Variants in FCRL5 observed in about 807,000 individuals in gnomAD.
The protein encoded by FCRL5 is Fc receptor-like protein 5.
In FCRL5, 79 loss-of-function variants were observed where a neutral mutation model predicts 92.1. The ratio of observed to expected loss-of-function variants is 0.86; its 90% CI spans 0.72 to 1.03. The LOEUF is 1.03. Among genes scored for constraint, FCRL5 ranks in the 50% least tolerant of loss-of-function variants. The pLI is 0.00. For missense variants in FCRL5, 1,160 were observed against 1,181.1 expected (o/e 0.98, Z 0.26); for synonymous variants, 466 against 469.3 (o/e 0.99, Z 0.09).
At chr1:157,544,626 C>A in intron 4 of FCRL5, 80 bp from the exon 5 acceptor site, 8 of 1,524,362 alleles carry the variant, frequency 5.2e-6, no homozygotes, top group Non-Finnish European at 7.2e-6. Context: ...AGCAGCAGCA[C>A]ATCCAAAAGC....
rs60191062 is a variant in FCRL5, at chr1:157,535,943, G to GTTTTTTTTTTTTTTT, written c.1403-1066_1403-1052dup. On this transcript the variant is annotated intron_variant, in intron 7 of 16. Coordinates refer to ENST00000361835, the MANE Select transcript of FCRL5 (RefSeq NM_031281.3). ...GGCTAAATTCACTGGATGTGACTCA[G>GTTTTTTTTTTTTTTT]TTTTTTTTTTTTTTTTGAGATGGAG... Among the ~76,000 whole-genome samples, 281 of 90,004 alleles carry GTTTTTTTTTTTTTTT rather than the reference G, an allele frequency of 3.1e-3. 36 individuals carry two copies. The highest frequency in any genetic ancestry group is 3.8e-3 in the Non-Finnish European group (178 of 46,914). 59.0% of individuals were successfully genotyped at this position (90,004 alleles called of 152,430 possible).
intron 13 of FCRL5, 41 bp from the exon 14 acceptor site, chr1:157,518,823 A>G (rs371199320): frequency 2.0e-6 from 3 of 1,535,500 alleles, no homozygotes; most frequent in African/African-American, 2.7e-5. Context: ...AGGAATCCAG[A>G]CAAAGTAGCT....
chr1:157,540,847 T>G (rs1428431924), intron 6 of FCRL5, among the ~76,000 whole-genome samples: 1 of 152,238 alleles, frequency 6.6e-6, no homozygotes, highest in Admixed American at 6.5e-5. Context: ...ATTTGTTGGA[T>G]GTAATTTGTA....
At chr1:157,543,620 T>C (rs1260583037) in intron 5 of FCRL5, among the ~76,000 whole-genome samples, 1 of 152,142 alleles carries the variant, frequency 6.6e-6, no homozygotes, top group African/African-American at 2.4e-5. Context: ...TCACATTGCC[T>C]CCTTATAAGT....
chr1:157,530,222 T>C (rs1650635470), intron 8 of FCRL5, among the ~76,000 whole-genome samples: 4 of 152,182 alleles, frequency 2.6e-5, no homozygotes, highest in Admixed American at 6.5e-5. Flanking sequence ...CTTAGCTATA[T>C]ATTATGGGCA....
At chr1:157,533,601 G>A (rs1443527481) in intron 8 of FCRL5, 1 of 152,150 alleles carries the variant, frequency 6.6e-6, no homozygotes, top group South Asian at 2.1e-4. Context: ...GTAGGCACAG[G>A]GATGTTGTGA....
intron 13 of FCRL5, 85 bp downstream of exon 13, chr1:157,519,658 G>T: frequency 6.9e-7 from 1 of 1,448,414 alleles, no homozygotes; most frequent in Non-Finnish European, 9.7e-7. Flanking sequence ...CAGAAACTGT[G>T]CTCTTGGTAA....
Position 157,552,478 on chromosome 1 carries a change from G to A in FCRL5, c.-116C>T. 1 of 1,044,580 alleles carries A rather than the reference G, an allele frequency of 9.6e-7. No individual in the cohort carries two copies. Among genetic ancestry groups the A allele is most frequent in the Middle Eastern group, 2.0e-4 (1 of 4,944 alleles). 64.7% of individuals were successfully genotyped at this position (1,044,580 alleles called of 1,614,324 possible). ...CACACCAGCTCCAAGGAGCACATCT[G>A]AGAAGCTGTGCTCTCAAAAAGAGCA... is the stretch of plus-strand genomic sequence containing the variant. On this transcript the variant is annotated 5_prime_UTR_variant, in exon 1 of 17. The change creates a premature stop within an existing upstream ORF in the 5' untranslated region. Transcript: ENST00000361835.
intron 13 of FCRL5, 113 bp from the exon 14 acceptor site, chr1:157,518,895 G>T: frequency 1.4e-6 from 1 of 723,558 alleles, no homozygotes; most frequent in Non-Finnish European, 2.3e-6. Flanking sequence ...CTGGAAACAT[G>T]AACAAGTACA....
chr1:157,543,573 G>T (rs1408686433), intron 5 of FCRL5, among the ~76,000 whole-genome samples: 1 of 152,116 alleles, frequency 6.6e-6, no homozygotes, highest in East Asian at 1.9e-4. Flanking sequence ...GCCAGCCAGG[G>T]CCAGAGTTGG....
chr1:157,532,938 G>A (rs1251956723), intron 8 of FCRL5: 2 of 152,074 alleles, frequency 1.3e-5, no homozygotes, highest in Non-Finnish European at 2.9e-5. Flanking sequence ...TCAGTTTCCT[G>A]AATCCCTGTA....
At chr1:157,536,280 C>T (rs1650967732) in intron 7 of FCRL5, among the ~76,000 whole-genome samples, 1 of 152,140 alleles carries the variant, frequency 6.6e-6, no homozygotes, top group South Asian at 2.1e-4. Context: ...CTTAGCTTTG[C>T]CTTATCCAAA....
In FCRL5 at chr1:157,544,481, G is replaced by T. The variant is rs764083037; in HGVS notation, c.625C>A (p.Leu209Met). 1 of 1,614,094 alleles carries T rather than the reference G, an allele frequency of 6.2e-7. No homozygotes were observed. Among genetic ancestry groups the T allele is most frequent in the African/African-American group, 1.3e-5 (1 of 74,926 alleles). ...AGAGAGAGCTGGGTCTCACAGGTCA[G>T]GGTCACTGGGTTCCCGCTGATGGGC... ...FQPISGNPVT[L>M]TCETQLSLER... Residue 209 changes from leucine to methionine, a missense_variant, in exon 5 of 17, where the codon CTG becomes ATG. Physicochemically the swap from Leu to Met is conservative, Grantham distance 15 (BLOSUM62 2). Coordinates refer to ENST00000361835, the MANE Select transcript of FCRL5 (RefSeq NM_031281.3).
Position 157,519,762 on chromosome 1 carries a change from G to T in FCRL5, c.2641C>A (p.Pro881Thr). 1.2e-6 allele frequency: 2 copies of T among 1,614,042 alleles called. No individual in the cohort carries two copies. The highest frequency in any genetic ancestry group is 2.2e-5 in the East Asian group (1 of 44,880). ...CWLSRKAGRK[P>T]ASDPARSPSD... ...TCTTACCTGGCGGGGTCAGAGGCAG[G>T]CTTTCTCCCTGTAAAGGAAAGCAGA... Residue 881 changes from proline to threonine, a missense_variant, in exon 13 of 17, where the codon CCT (proline) becomes ACT (threonine). Pro to Thr is a conservative substitution (Grantham distance 38). Transcript: ENST00000361835.
intron 13 of FCRL5, chr1:157,519,162 C>T (rs537366189): frequency 5.4e-6 from 1 of 185,208 alleles, no homozygotes; most frequent in South Asian, 1.3e-4. Context: ...AGATCAGTGA[C>T]CAGAAGGCTC....
intron 4 of FCRL5, 130 bp downstream of exon 4, chr1:157,544,701 C>G: frequency 2.1e-6 from 3 of 1,437,326 alleles, no homozygotes; most frequent in Middle Eastern, 2.5e-4. Flanking sequence ...TATACTTCCT[C>G]TGCTCCTTGC....
chr1:157,536,828 T>C (rs1052030472), intron 7 of FCRL5, among the ~76,000 whole-genome samples: 19 of 152,236 alleles, frequency 1.2e-4, no homozygotes, highest in African/African-American at 4.6e-4. Flanking sequence ...AACATAAATT[T>C]TGAAGATTTC....
At position 157,549,425 on chromosome 1, in the gene FCRL5, TA is replaced by T. The variant is rs1160504358; in HGVS notation, c.52+134del. On this transcript the variant is annotated intron_variant, in intron 2 of 16. Transcript: ENST00000361835. ...CGTTGTGCACATGTACCCTAAAACT[TA>T]AAGTATAATAAAAAAAAGGAAAGAA... 25 of 793,160 alleles carry T rather than the reference TA, an allele frequency of 3.2e-5. 1 individual carries two copies. In the South Asian group the frequency reaches 4.7e-4, roughly 15 times the overall value. 49.1% of individuals were successfully genotyped at this position (793,160 alleles called of 1,614,324 possible).
chr1:157,527,842 C>T lies in FCRL5; in HGVS notation c.1735G>A (p.Val579Met), dbSNP rs145086778. The change falls in exon 9 of 17, where the codon GTG (valine) becomes ATG (methionine). Residue 579 changes from valine to methionine, a missense_variant. Transcript: ENST00000361835. Reference protein sequence around the residue: ...TLRVPRAQAVVGDLLELHCEA... With the variant: ...TLRVPRAQAVMGDLLELHCEA... ...CAGTGAAGCTCCAGCAGGTCCCCCACCACAGCCTGGGCCCTGGGAACCCTG... is the reference window on the plus strand; with the variant it reads ...CAGTGAAGCTCCAGCAGGTCCCCCATCACAGCCTGGGCCCTGGGAACCCTG... The T allele has an allele frequency of 1.3e-5, 21 of 1,610,840 alleles. No individual in the cohort carries two copies. The African/African-American group carries it at 2.8e-4, about 22-fold the overall frequency.
Sources: gnomAD v4.1 joint callset for allele counts (sites outside exome capture counted in the v4.1 genomes callset) on GRCh38, gnomAD v4.1.1 for gene constraint, MANE v1.5 for transcripts, NCBI Gene and HGNC (gene_info 2026-07-23, HGNC 2026-07-21) for gene names.